The following SIAE variants were observed in gnomAD, a reference collection of about 807,000 sequenced individuals.
The protein encoded by SIAE is sialate O-acetylesterase.
A neutral mutation model predicts 52.6 loss-of-function variants in SIAE; 39 were observed. The observed-to-expected ratio is 0.74, with a 90% CI of 0.57 to 0.97. SIAE has a LOEUF of 0.97. SIAE is among the 50% of genes least tolerant of loss of function. SIAE has a pLI of 0.00. For synonymous variants in SIAE, 233 were observed against 241.4 expected (o/e 0.97, Z 0.32); for missense variants, 592 against 662.1 (o/e 0.89, Z 1.16).
chr11:124,656,064 C>T (rs765424383), intron 3 of SIAE, among the ~76,000 whole-genome samples: 21 of 152,024 alleles, frequency 1.4e-4, no homozygotes, highest in Non-Finnish European at 1.8e-4. Flanking sequence ...ATATAGGAAA[C>T]ATAAATGAAT....
At chr11:124,649,233 C>T (rs1942982786) in intron 5 of SIAE, among the ~76,000 whole-genome samples, 1 of 151,872 alleles carries the variant, frequency 6.6e-6, no homozygotes, top group Non-Finnish European at 1.5e-5. Flanking sequence ...GAGCAAGTTA[C>T]TAAGTCTCTC....
At position 124,673,720 on chromosome 11, in the gene SIAE, T is replaced by C; in HGVS notation, c.-12A>G. 6.2e-7 allele frequency: 1 copy of C among 1,613,164 alleles called. No individual in the cohort carries two copies. The highest frequency in any genetic ancestry group is 1.7e-4 in the Middle Eastern group (1 of 6,060). On this transcript the variant is annotated 5_prime_UTR_variant, in exon 1 of 10. Coordinates refer to ENST00000263593, the MANE Select transcript of SIAE (RefSeq NM_170601.5). ...CCCGGCGCGACCATGCTTGCAAGGATCTGACCGCCGCCTAGGACTGGGAAA... is the reference window on the plus strand; with the variant it reads ...CCCGGCGCGACCATGCTTGCAAGGACCTGACCGCCGCCTAGGACTGGGAAA...
chr11:124,649,810 T>C lies in SIAE; in HGVS notation c.545-14A>G. 6.2e-7 allele frequency: 1 copy of C among 1,613,880 alleles called. No homozygotes were observed. ...GGCCTAAGTTTTCTGTTCAGAGAAA[T>C]GGTTAAAGAAAAAGAGCCAGAGAAA... On this transcript the variant is annotated splice_polypyrimidine_tract_variant and intron_variant, in intron 4 of 9. Transcript: ENST00000263593.
Position 124,637,059 on chromosome 11 carries a change from T to G in SIAE, c.1464A>C (p.Glu488Asp), listed in dbSNP as rs781746246. 9.3e-6 allele frequency: 15 copies of G among 1,614,012 alleles called. No homozygotes were observed. The highest frequency in any genetic ancestry group is 1.1e-5 in the Non-Finnish European group (13 of 1,180,022). Residue 488 changes from glutamate (E) to aspartate (D), a missense_variant, in exon 10 of 10, where the codon GAA (glutamate) becomes GAC (aspartate). By Grantham distance (45) the Glu-to-Asp change is conservative. Coordinates refer to ENST00000263593, the MANE Select transcript of SIAE (RefSeq NM_170601.5). Reference sequence around the variant, plus strand: ...GGTGGTATAGGGGACACTGCTTATATTCACAAGGCCACGTGGTCCAAGCAT... The same window carrying G: ...GGTGGTATAGGGGACACTGCTTATAGTCACAAGGCCACGTGGTCCAAGCAT... ...LRYAWTTWPC[E>D]YKQCPLYHPS...
In SIAE at chr11:124,637,212, G is replaced by C; in HGVS notation, c.1321-10C>G. ...CACTGCAACAGGAGATCTAATAAGAGAGCCATAAAATAGGAATGATTAGGT... is the reference window on the plus strand; with the variant it reads ...CACTGCAACAGGAGATCTAATAAGACAGCCATAAAATAGGAATGATTAGGT... On this transcript the variant is annotated splice_polypyrimidine_tract_variant and intron_variant, in intron 9 of 9. Coordinates refer to ENST00000263593, the MANE Select transcript of SIAE (RefSeq NM_170601.5). 3 of 1,614,094 alleles carry C rather than the reference G, an allele frequency of 1.9e-6. No individual in the cohort carries two copies. Among genetic ancestry groups the C allele is most frequent in the Non-Finnish European group, 2.5e-6 (3 of 1,180,020 alleles).
rs1457593848 is a variant in SIAE, at chr11:124,647,220, A to C, written c.966+145T>G. The C allele has an allele frequency of 5.5e-6, 6 of 1,096,134 alleles. No individual in the cohort carries two copies. In the Admixed American group the frequency reaches 1.2e-4, roughly 22 times the overall value. 67.9% of individuals were successfully genotyped at this position (1,096,134 alleles called of 1,614,324 possible). On this transcript the variant is annotated intron_variant, in intron 7 of 9. Transcript: ENST00000263593. ...TAAGCCTTACATTCAGTTCTTGACC[A>C]GCACATTATGAGGACAAAAAAGGAA... is the stretch of plus-strand genomic sequence containing the variant.
rs1291036760 is a variant in SIAE at position 124,635,243 on chromosome 11, C to T, written c.*1708G>A. 1 of 152,190 alleles carries T rather than the reference C, an allele frequency of 6.6e-6. No individual in the cohort carries two copies. Among genetic ancestry groups the T allele is most frequent in the Non-Finnish European group, 1.5e-5 (1 of 68,054 alleles). 9.4% of individuals were successfully genotyped at this position (152,190 alleles called of 1,614,324 possible). On this transcript the variant is annotated 3_prime_UTR_variant, in exon 10 of 10. Transcript: ENST00000263593. ...CAATCTGTTACAAGGTTCATGGTTTCTATGGGGCCAGATGCATGAGAGGTC... is the reference window on the plus strand; with the variant it reads ...CAATCTGTTACAAGGTTCATGGTTTTTATGGGGCCAGATGCATGAGAGGTC...
At chr11:124,658,217 C>T (rs982641918) in intron 3 of SIAE, among the ~76,000 whole-genome samples, 1 of 150,950 alleles carries the variant, frequency 6.6e-6, no homozygotes, top group Non-Finnish European at 1.5e-5. Flanking sequence ...GGGAGCAAAG[C>T]ATGCGTGTGA....
rs546372311 is a variant in SIAE at position 124,669,502 on chromosome 11, A to C, written c.87T>G (p.Ala29=). 2 of 1,614,124 alleles carry C rather than the reference A, an allele frequency of 1.2e-6. No homozygotes were observed. Among genetic ancestry groups the C allele is most frequent in the East Asian group, 4.5e-5 (2 of 44,888 alleles). ...DRSAGIGFRF[A]SYINNDMVLQ... is the part of the protein sequence containing the mutation. ...GCACCATATCATTATTGATGTATGA[A>C]GCAAAGCGAAAACCAATACCTAAAA... Residue 29 remains alanine (A), a synonymous_variant, in exon 2 of 10, where the codon GCT becomes GCG. Transcript: ENST00000263593.
chr11:124,661,077 A>C (rs1048767363), intron 2 of SIAE, among the ~76,000 whole-genome samples: 3 of 152,234 alleles, frequency 2.0e-5, no homozygotes, highest in Non-Finnish European at 4.4e-5. Context: ...ACAAAAATAC[A>C]CACAGATTAA....
chr11:124,652,691 CAAAAAAAAAAA>C lies in SIAE; in HGVS notation c.544+1953_544+1963del, dbSNP rs57632780. Among the ~76,000 whole-genome samples the C allele has an allele frequency of 6.9e-5, 5 of 72,940 alleles. No individual in the cohort carries two copies. The East Asian group carries it at 1.7e-3, about 25-fold the overall frequency. 47.9% of individuals were successfully genotyped at this position (72,940 alleles called of 152,430 possible). On this transcript the variant is annotated intron_variant, in intron 4 of 9. Transcript: ENST00000263593. Reference sequence around the variant, plus strand: ...CCTGGGTAACAGAGTGAGACTCGGTCAAAAAAAAAAAAAAAAAAAAGGGGGAAGAGCACAGC... The same window carrying C: ...CCTGGGTAACAGAGTGAGACTCGGTCAAAAAAAAAGGGGGAAGAGCACAGC...
chr11:124,646,249 C>T (rs1462572389), intron 7 of SIAE, among the ~76,000 whole-genome samples: 1 of 152,198 alleles, frequency 6.6e-6, no homozygotes, highest in Non-Finnish European at 1.5e-5. Context: ...TGTATGGTTT[C>T]TCTTGCTATC....
chr11:124,655,977 TCAGA>T (rs151150015), intron 3 of SIAE, among the ~76,000 whole-genome samples: 6,016 of 152,206 alleles, frequency 0.04, 359 homozygotes, highest in African/African-American at 0.14. Context: ...CATAAATACT[TCAGA>T]CAAATTTTGT....
intron 6 of SIAE, 135 bp downstream of exon 6, chr11:124,647,931 C>A (rs1161520917): frequency 2.6e-6 from 2 of 763,226 alleles, no homozygotes. Flanking sequence ...TAAAAACTAC[C>A]CTGCTCACCC....
Position 124,636,031 on chromosome 11 carries a change from T to TAAAG in SIAE, c.*916_*919dup, listed in dbSNP as rs985008956. The TAAAG allele has an allele frequency of 1.3e-5, 2 of 152,334 alleles. No individual in the cohort carries two copies. Among genetic ancestry groups the TAAAG allele is most frequent in the South Asian group, 2.1e-4 (1 of 4,828 alleles). The allele number at this position is 152,334 out of a possible 1,614,324, so 9.4% of individuals were successfully genotyped here. ...GGATTATCCTTAAACCTTTTACCTT[T>TAAAG]AAAGAGCCTGAGATTTATATTTAAC... On this transcript the variant is annotated 3_prime_UTR_variant, in exon 10 of 10. Transcript: ENST00000263593.
upstream of SIAE, chr11:124,675,266 T>A: frequency 6.2e-7 from 1 of 1,611,838 alleles, no homozygotes; most frequent in Non-Finnish European, 8.5e-7. Flanking sequence ...ACCAAGAAGA[T>A]GTCGATTCCA....
intron 2 of SIAE, among the ~76,000 whole-genome samples, chr11:124,668,995 A>T (rs1273155465): frequency 6.6e-6 from 1 of 152,154 alleles, no homozygotes; most frequent in Non-Finnish European, 1.5e-5. Flanking sequence ...ATTCAGCTCA[A>T]ATACCATCTT....
intron 2 of SIAE, among the ~76,000 whole-genome samples, chr11:124,667,519 G>A (rs148285800): frequency 0.013 from 2,006 of 152,280 alleles, 25 homozygotes; most frequent in Non-Finnish European, 0.02. Context: ...TGGATCACTC[G>A]GGATTGGATC....
intron 2 of SIAE, among the ~76,000 whole-genome samples, chr11:124,661,331 T>C (rs1943185034): frequency 6.6e-6 from 1 of 152,240 alleles, no homozygotes; most frequent in South Asian, 2.1e-4. Flanking sequence ...ACCAGTGGTC[T>C]GGGTTTTCCT....
Sources: allele counts gnomAD v4.1 joint callset (sites outside exome capture counted in the v4.1 genomes callset), GRCh38; gene constraint gnomAD v4.1.1; transcripts MANE v1.5; gene names NCBI Gene and HGNC (gene_info 2026-07-23, HGNC 2026-07-21).